The following ARIH1 variants were observed in gnomAD, a reference collection of about 807,000 sequenced individuals.
ARIH1 encodes ariadne RBR E3 ubiquitin protein ligase 1.
A neutral mutation model predicts 85.0 loss-of-function variants in ARIH1; 8 were observed. The ratio of observed to expected loss-of-function variants is 0.09; its 90% CI spans 0.06 to 0.17. The LOEUF is 0.17. Among genes scored for constraint, ARIH1 ranks in the 10% least tolerant of loss-of-function variants. The pLI is 1.00. For missense variants in ARIH1, 311 were observed against 718.1 expected (o/e 0.43, Z 6.48); for synonymous variants, 238 against 253.6 (o/e 0.94, Z 0.59).
chr15:72,510,026 C>G (rs1359500189), intron 1 of ARIH1, among the ~76,000 whole-genome samples: 1 of 152,106 alleles, frequency 6.6e-6, no homozygotes, highest in African/African-American at 2.4e-5. Flanking sequence ...AAGTGATCCT[C>G]CTGCCTCAGC....
chr15:72,555,182 T>C, intron 3 of ARIH1, 89 bp from the exon 4 acceptor site: 1 of 920,950 alleles, frequency 1.1e-6, no homozygotes, highest in South Asian at 1.5e-5. Context: ...ACGTAAGAAA[T>C]GTGACCTTAC....
rs1167156128 is a variant in ARIH1, at chr15:72,590,765, C to T, written c.*7473C>T. 1.3e-5 allele frequency: 2 copies of T among 152,150 alleles called. No individual in the cohort carries two copies. Among genetic ancestry groups the T allele is most frequent in the African/African-American group, 4.8e-5 (2 of 41,416 alleles). 9.4% of individuals were successfully genotyped at this position (152,150 alleles called of 1,614,324 possible). ...GCCCAGCTGACAATGGCTTTATATA[C>T]ATAATATTTCCTCAGCAACAATTTA... is the stretch of plus-strand genomic sequence containing the variant. On this transcript the variant is annotated 3_prime_UTR_variant, in exon 14 of 14. Transcript: ENST00000379887.
intron 3 of ARIH1, among the ~76,000 whole-genome samples, chr15:72,547,254 AC>A (rs2064133768): frequency 6.9e-6 from 1 of 145,348 alleles, no homozygotes; most frequent in Non-Finnish European, 1.5e-5. Context: ...TTTTTTTGAC[AC>A]GAGTTTTGCT....
chr15:72,517,241 T>G (rs2063979084), intron 1 of ARIH1, among the ~76,000 whole-genome samples: 1 of 152,220 alleles, frequency 6.6e-6, no homozygotes, highest in Admixed American at 6.5e-5. Flanking sequence ...TGATTTGAAC[T>G]CATTTGAACT....
intron 2 of ARIH1, among the ~76,000 whole-genome samples, chr15:72,528,976 G>A (rs1261589389): frequency 2.6e-5 from 4 of 152,238 alleles, no homozygotes; most frequent in East Asian, 1.9e-4. Flanking sequence ...CAAGGTGGGC[G>A]GATCATGAGG....
chr15:72,583,172 GACA>G (rs758382050), intron 13 of ARIH1, 33 bp from the exon 14 acceptor site: 10 of 1,508,098 alleles, frequency 6.6e-6, no homozygotes, highest in South Asian at 3.5e-5. Context: ...ATTAGAGGCT[GACA>G]ACAAGTTTTT....
intron 1 of ARIH1, among the ~76,000 whole-genome samples, chr15:72,511,704 T>C (rs569417524): frequency 6.6e-6 from 1 of 152,214 alleles, no homozygotes; most frequent in Non-Finnish European, 1.5e-5. Flanking sequence ...ACATACATAG[T>C]CATCTGATTA....
intron 10 of ARIH1, 39 bp downstream of exon 10, chr15:72,570,346 A>G (rs1441856075): frequency 1.2e-6 from 2 of 1,610,906 alleles, no homozygotes; most frequent in African/African-American, 1.3e-5. Flanking sequence ...TGTTTACATA[A>G]GTATGTGCCA....
intron 1 of ARIH1, among the ~76,000 whole-genome samples, chr15:72,499,948 T>C (rs898016793): frequency 2.0e-5 from 3 of 152,214 alleles, no homozygotes; most frequent in African/African-American, 7.2e-5. Context: ...CTGTTACTTA[T>C]TGTGGCTCTG....
chr15:72,572,181 A>G lies in ARIH1; in HGVS notation c.1215+16A>G. ...TGCACAGGAGGTAAGTATATGTATA[A>G]CAGGACAATAGTTGACTAAGAATGC... On this transcript the variant is annotated intron_variant, in intron 11 of 13. Transcript: ENST00000379887. The G allele has an allele frequency of 6.4e-7, 1 of 1,563,084 alleles. No homozygotes were observed. Among genetic ancestry groups the G allele is most frequent in the African/African-American group, 1.4e-5 (1 of 73,604 alleles).
chr15:72,594,835 T>TTTTTTTTTTTTTTTTTTA lies in ARIH1; in HGVS notation c.*11546_*11547insTTTTTTTTTTTTTTATTT, dbSNP rs2064357340. 7.0e-6 allele frequency: 1 copy of TTTTTTTTTTTTTTTTTTA among 142,742 alleles called. No homozygotes were observed. The highest frequency in any genetic ancestry group is 1.5e-5 in the Non-Finnish European group (1 of 66,062). The allele number at this position is 142,742 out of a possible 1,614,324, so 8.8% of individuals were successfully genotyped here. A position where few individuals can be genotyped will look rare whatever the true frequency, so the allele number is the denominator to read the frequency against. On this transcript the variant is annotated 3_prime_UTR_variant, in exon 14 of 14. Transcript: ENST00000379887. ...TCTTTTTTTTTTTTTTTTTTTTTTT[T>TTTTTTTTTTTTTTTTTTA]TTTGTCTTTCTCCACTGGCTACAAT...
chr15:72,482,137 G>A (rs2063818970), intron 1 of ARIH1, among the ~76,000 whole-genome samples: 1 of 152,110 alleles, frequency 6.6e-6, no homozygotes, highest in Non-Finnish European at 1.5e-5. Context: ...CACCCGGCCA[G>A]TATTTTCAAA....
At chr15:72,491,531 G>A (rs1273121657) in intron 1 of ARIH1, among the ~76,000 whole-genome samples, 1 of 152,078 alleles carries the variant, frequency 6.6e-6, no homozygotes, top group African/African-American at 2.4e-5. Flanking sequence ...ATAGCTGTTA[G>A]ACATTGAGTG....
rs574339669 is a variant in ARIH1, at chr15:72,552,330, C to G, written c.589-2941C>G. Among the ~76,000 whole-genome samples, 3 of 152,294 alleles carry G rather than the reference C, an allele frequency of 2.0e-5. No individual in the cohort carries two copies. In the South Asian group the frequency reaches 6.2e-4, roughly 32 times the overall value. The stretch of plus-strand genomic sequence containing the variant: ...TTAAGACGGAGTCTTGCCCTGTCAT[C>G]AGGCTGGAGTGCAAAGGTGCGATCT... On this transcript the variant is annotated intron_variant, in intron 3 of 13. Transcript: ENST00000379887.
In ARIH1 at chr15:72,593,484, C is replaced by A. The variant is rs750152076; in HGVS notation, c.*10192C>A. The stretch of plus-strand genomic sequence containing the variant: ...GGGATTTTATGTTTAGGTCTGTGAT[C>A]CATCTCAAATTAATTTTTGTGAACA... On this transcript the variant is annotated 3_prime_UTR_variant, in exon 14 of 14. Transcript: ENST00000379887. The A allele has an allele frequency of 1.3e-5, 2 of 152,126 alleles. No homozygotes were observed. The highest frequency in any genetic ancestry group is 2.9e-5 in the Non-Finnish European group (2 of 68,002). The allele number at this position is 152,126 out of a possible 1,614,324, so 9.4% of individuals were successfully genotyped here.
chr15:72,542,050 AC>A (rs1188449897), intron 2 of ARIH1, among the ~76,000 whole-genome samples: 1 of 152,214 alleles, frequency 6.6e-6, no homozygotes, highest in Admixed American at 6.5e-5. Context: ...AGATGAAACA[AC>A]CCTTCAATAA....
At chr15:72,568,554 G>A (rs971667559) in intron 9 of ARIH1, among the ~76,000 whole-genome samples, 1 of 152,096 alleles carries the variant, frequency 6.6e-6, no homozygotes, top group Non-Finnish European at 1.5e-5. Flanking sequence ...AAATTTAGCT[G>A]CTCAGTATTT....
chr15:72,569,739 C>T (rs2064235294), intron 9 of ARIH1, among the ~76,000 whole-genome samples: 1 of 152,114 alleles, frequency 6.6e-6, no homozygotes, highest in Admixed American at 6.5e-5. Flanking sequence ...CTTTTATCTC[C>T]TATAGTACTG....
intron 9 of ARIH1, among the ~76,000 whole-genome samples, chr15:72,568,209 C>A (rs1157807203): frequency 6.6e-6 from 1 of 152,064 alleles, no homozygotes; most frequent in African/African-American, 2.4e-5. Flanking sequence ...GAAAACCTTA[C>A]TATAAATATA....
Sources: gnomAD v4.1 joint callset for allele counts (sites outside exome capture counted in the v4.1 genomes callset) on GRCh38, gnomAD v4.1.1 for gene constraint, MANE v1.5 for transcripts, NCBI Gene and HGNC (gene_info 2026-07-23, HGNC 2026-07-21) for gene names.